Variants in PKN2 observed in about 807,000 individuals in gnomAD.
PKN2 encodes the protein protein kinase N2.
Under a neutral mutation model 119.1 loss-of-function variants are expected in PKN2, and 38 were observed. That is an observed-to-expected ratio of 0.32 (90% CI 0.25 to 0.42). The LOEUF (loss-of-function observed/expected upper bound fraction) is 0.42. Among genes scored for constraint, PKN2 ranks in the 10% least tolerant of loss-of-function variants. The probability of loss-of-function intolerance (pLI) is 1.00; values close to 1 mark genes in which losing one functional copy is unlikely to be tolerated. For synonymous variants in PKN2, 390 were observed against 384.9 expected, an observed-to-expected ratio of 1.01 and a Z score of -0.15; for missense variants, 850 against 1,165.1, an observed-to-expected ratio of 0.73 and a Z score of 3.94.
intron 1 of PKN2, among the ~76,000 whole-genome samples, chr1:88,738,962 T>C (rs898260063): frequency 2.0e-5 from 3 of 152,220 alleles, no homozygotes; most frequent in Non-Finnish European, 4.4e-5. Context: ...GTAGGACTTA[T>C]ATTCCATTAT....
At chr1:88,737,866 A>G (rs1668418752) in intron 1 of PKN2, among the ~76,000 whole-genome samples, 1 of 152,098 alleles carries the variant, frequency 6.6e-6, no homozygotes, top group South Asian at 2.1e-4. Flanking sequence ...TGATTCAGGC[A>G]TTGTACCTCT....
intron 1 of PKN2, among the ~76,000 whole-genome samples, chr1:88,717,744 C>G (rs897816489): frequency 6.6e-6 from 1 of 152,054 alleles, no homozygotes; most frequent in Non-Finnish European, 1.5e-5. Flanking sequence ...CGAACATCCT[C>G]CTTTAGCTCG....
intron 8 of PKN2, among the ~76,000 whole-genome samples, chr1:88,800,838 CT>C (rs1553156895): frequency 1.3e-5 from 2 of 152,088 alleles, no homozygotes; most frequent in Non-Finnish European, 2.9e-5. Flanking sequence ...CATGCAGATT[CT>C]TTAAGTCTAC....
At chr1:88,817,090 C>T (rs1414056434) in intron 16 of PKN2, among the ~76,000 whole-genome samples, 1 of 151,972 alleles carries the variant, frequency 6.6e-6, no homozygotes, top group Non-Finnish European at 1.5e-5. Flanking sequence ...GGCAGAGACA[C>T]CACAAAAAAA....
At chr1:88,706,224 C>G (rs1033488020) in intron 1 of PKN2, among the ~76,000 whole-genome samples, 1 of 152,102 alleles carries the variant, frequency 6.6e-6, no homozygotes, top group African/African-American at 2.4e-5. Context: ...TTAGATATGT[C>G]TGTAAGTACT....
intron 15 of PKN2, among the ~76,000 whole-genome samples, chr1:88,810,624 T>C (rs570396984): frequency 1.3e-5 from 2 of 152,320 alleles, no homozygotes; most frequent in African/African-American, 4.8e-5. Flanking sequence ...ATATATTTTT[T>C]GAGACAGAGT....
At chr1:88,798,445 G>T (rs953860227) in intron 8 of PKN2, among the ~76,000 whole-genome samples, 2 of 152,000 alleles carry the variant, frequency 1.3e-5, no homozygotes, top group Non-Finnish European at 2.9e-5. Flanking sequence ...TGGGGGAAAC[G>T]TGGAGATGAA....
intron 6 of PKN2, among the ~76,000 whole-genome samples, chr1:88,773,442 A>G (rs2100806425): frequency 6.6e-6 from 1 of 151,966 alleles, no homozygotes; most frequent in African/African-American, 2.4e-5. Flanking sequence ...AGTGATCTGC[A>G]TGTGCCACTG....
chr1:88,747,736 C>T lies in PKN2; in HGVS notation c.349+6448C>T, dbSNP rs548122892. Among the ~76,000 whole-genome samples the T allele has an allele frequency of 3.3e-5, 5 of 152,112 alleles. No individual in the cohort carries two copies. In the East Asian group the frequency reaches 9.7e-4, roughly 29 times the overall value. On this transcript the variant is annotated intron_variant, in intron 2 of 21. Transcript: ENST00000370521. The stretch of plus-strand genomic sequence containing the variant: ...CCCACCAAACTTAGATTGGTTTTTA[C>T]TTATTAATTTGGTGAATATTTTCTT...
rs1430122623 is a variant in PKN2, at chr1:88,799,546, T to C, written c.1282-4845T>C. On this transcript the variant is annotated intron_variant, in intron 8 of 21. Transcript: ENST00000370521. ...GGCTCTGACTTACAATGAGAGACAC[T>C]GTTAAGAGATCCAAGAGCTAGGAGG... Among the ~76,000 whole-genome samples, 3 of 152,212 alleles carry C rather than the reference T, an allele frequency of 2.0e-5. No individual in the cohort carries two copies. In the East Asian group the frequency reaches 5.8e-4, roughly 29 times the overall value.
intron 3 of PKN2, among the ~76,000 whole-genome samples, chr1:88,766,542 G>C (rs1669676426): frequency 6.6e-6 from 1 of 152,102 alleles, no homozygotes; most frequent in Non-Finnish European, 1.5e-5. Flanking sequence ...CAGCATTATA[G>C]AGTGCCAATT....
chr1:88,829,610 T>G (rs1426156101), intron 19 of PKN2, among the ~76,000 whole-genome samples: 2 of 152,200 alleles, frequency 1.3e-5, no homozygotes, highest in African/African-American at 2.4e-5. Flanking sequence ...GACTAATAAT[T>G]TATTATGTTA....
At chr1:88,833,018 T>C in intron 20 of PKN2, 59 bp from the exon 21 acceptor site, 1 of 1,444,694 alleles carries the variant, frequency 6.9e-7, no homozygotes, top group South Asian at 1.3e-5. Context: ...TAATAATCCT[T>C]ATCAGTGAAT....
chr1:88,689,064 A>G (rs914900369), intron 1 of PKN2, among the ~76,000 whole-genome samples: 1 of 152,206 alleles, frequency 6.6e-6, no homozygotes, highest in Non-Finnish European at 1.5e-5. Flanking sequence ...TTTTGCAGTG[A>G]CACTGGAAAG....
intron 8 of PKN2, among the ~76,000 whole-genome samples, chr1:88,799,305 A>G (rs1181156666): frequency 1.3e-5 from 2 of 152,100 alleles, no homozygotes; most frequent in African/African-American, 4.8e-5. Flanking sequence ...TTGTCTCTGT[A>G]TTTCTCATCC....
At chr1:88,690,186 T>C (rs1183097766) in intron 1 of PKN2, among the ~76,000 whole-genome samples, 1 of 152,244 alleles carries the variant, frequency 6.6e-6, no homozygotes, top group Non-Finnish European at 1.5e-5. Flanking sequence ...AGACATCATC[T>C]CTTTATCCCA....
At chr1:88,821,879 T>C (rs1284067565) in intron 16 of PKN2, 62 bp from the exon 17 acceptor site, 4 of 1,273,910 alleles carry the variant, frequency 3.1e-6, no homozygotes, top group African/African-American at 1.5e-5. Flanking sequence ...TATAAACATA[T>C]AAGCTGGGAT....
Position 88,805,622 on chromosome 1 carries a change from A to G in PKN2, c.1627A>G (p.Thr543Ala), listed in dbSNP as rs376245572. 11 of 1,613,996 alleles carry G rather than the reference A, an allele frequency of 6.8e-6. No individual in the cohort carries two copies. Among genetic ancestry groups the G allele is most frequent in the Admixed American group, 3.3e-5 (2 of 59,992 alleles). ...CAGCCCTCAAGCTCCTGTGCCTACT[A>G]CAGTGCCAGTGGTTGATGTACGCAT... ...TFSPQAPVPT[T>A]VPVVDVRIPQ... Residue 543 changes from threonine (T) to alanine (A), a missense_variant, in exon 11 of 22, where the codon ACA (threonine) becomes GCA (alanine). Physicochemically the swap from Thr to Ala is moderately conservative, Grantham distance 58. Coordinates refer to ENST00000370521, the MANE Select transcript of PKN2 (RefSeq NM_006256.4).
At chr1:88,742,628 TAATG>T (rs1668620054) in intron 2 of PKN2, among the ~76,000 whole-genome samples, 1 of 152,074 alleles carries the variant, frequency 6.6e-6, no homozygotes, top group South Asian at 2.1e-4. Context: ...TAAATGGAAA[TAATG>T]TATTATGAAA....
Sources: gnomAD v4.1 joint callset for allele counts (sites outside exome capture counted in the v4.1 genomes callset) on GRCh38, gnomAD v4.1.1 for gene constraint, MANE v1.5 for transcripts, NCBI Gene and HGNC (gene_info 2026-07-23, HGNC 2026-07-21) for gene names.